KIAA0232: variants seen among roughly 807,000 people sequenced by gnomAD.
The protein encoded by KIAA0232 is KIAA0232.
Under a neutral mutation model 122.0 loss-of-function variants are expected in KIAA0232, and 27 were observed. The observed-to-expected ratio is 0.22, with a 90% CI of 0.16 to 0.31. The LOEUF (loss-of-function observed/expected upper bound fraction) is 0.31, where lower values mean the gene tolerates loss of function less well. Among genes scored for constraint, KIAA0232 ranks in the 10% least tolerant of loss-of-function variants. The probability of loss-of-function intolerance (pLI) is 1.00; values close to 1 mark genes in which losing one functional copy is unlikely to be tolerated. For synonymous variants in KIAA0232, 613 were observed against 587.6 expected, an observed-to-expected ratio of 1.04 and a Z score of -0.63; for missense variants, 1,551 against 1,634.2, an observed-to-expected ratio of 0.95 and a Z score of 0.88.
chr4:6,865,248 G>A (rs1008775823), intron 7 of KIAA0232, among the ~76,000 whole-genome samples: 1 of 152,092 alleles, frequency 6.6e-6, no homozygotes, highest in African/African-American at 2.4e-5. Flanking sequence ...CACTGTTTTC[G>A]ATATGTGAGT....
At chr4:6,802,540 C>T (rs575369744) in intron 1 of KIAA0232, among the ~76,000 whole-genome samples, 25 of 146,978 alleles carry the variant, frequency 1.7e-4, no homozygotes, top group African/African-American at 4.9e-4. Context: ...TCTTCTCAAC[C>T]CCCCCCAACC....
At position 6,797,631 on chromosome 4, in the gene KIAA0232, T is replaced by C. The variant is rs148794192; in HGVS notation, c.-353-6892T>C. ...AAAAAAAAAACCTAGCTGGGTGTAG[T>C]GGTGTATGCCCATAGTCCCAGTTAC... On this transcript the variant is annotated intron_variant, in intron 1 of 9. Transcript: ENST00000307659. Among the ~76,000 whole-genome samples, 1,017 of 150,472 alleles carry C rather than the reference T, an allele frequency of 6.8e-3. 9 individuals carry two copies. The highest frequency in any genetic ancestry group is 0.013 in the South Asian group (62 of 4,748).
intron 1 of KIAA0232, among the ~76,000 whole-genome samples, chr4:6,786,393 C>A (rs572858862): frequency 6.6e-6 from 1 of 152,328 alleles, no homozygotes; most frequent in Admixed American, 6.5e-5. Context: ...GCCTCAACCT[C>A]CCAGGCTCAA....
intron 2 of KIAA0232, among the ~76,000 whole-genome samples, chr4:6,813,463 C>A (rs997131512): frequency 6.6e-6 from 1 of 151,772 alleles, no homozygotes; most frequent in African/African-American, 2.4e-5. Flanking sequence ...CCCAGGTTCA[C>A]GCCATTCTAC....
Position 6,855,972 on chromosome 4 carries a change from A to C in KIAA0232, c.370-1192A>C. On this transcript the variant is annotated intron_variant, in intron 4 of 9. Transcript: ENST00000307659. The surrounding 1 kb of genome is among the most constrained non-coding windows in gnomAD (Gnocchi z 4.3). ...TGACTAATATCTGCCATCGTTTTTAAGAGTGTTTTTAAAGGAAAGGGCAAC... is the reference window on the plus strand; with the variant it reads ...TGACTAATATCTGCCATCGTTTTTACGAGTGTTTTTAAAGGAAAGGGCAAC... 1 of 549,596 alleles carries C rather than the reference A, an allele frequency of 1.8e-6. No individual in the cohort carries two copies. Among genetic ancestry groups the C allele is most frequent in the Non-Finnish European group, 2.3e-6 (1 of 431,726 alleles). 34.0% of individuals were successfully genotyped at this position (549,596 alleles called of 1,614,324 possible).
chr4:6,857,409 C>A (rs1356900478), intron 5 of KIAA0232, among the ~76,000 whole-genome samples, 179 bp downstream of exon 5: 1 of 152,206 alleles, frequency 6.6e-6, no homozygotes, highest in African/African-American at 2.4e-5. Flanking sequence ...GCTTCTGTGT[C>A]AGACCCAGCA....
rs1002815511 is a variant in KIAA0232 at position 6,855,893 on chromosome 4, A to G, written c.370-1271A>G. 8.4e-5 allele frequency: 83 copies of G among 983,896 alleles called. No homozygotes were observed. Among genetic ancestry groups the G allele is most frequent in the Middle Eastern group, 1.0e-3 (2 of 1,910 alleles). 60.9% of individuals were successfully genotyped at this position (983,896 alleles called of 1,614,324 possible). A position where few individuals can be genotyped will look rare whatever the true frequency, so the allele number is the denominator to read the frequency against. On this transcript the variant is annotated intron_variant, in intron 4 of 9. Transcript: ENST00000307659. This position sits in a 1 kb window ranked among gnomAD's most constrained non-coding sequence, Gnocchi z 4.3. ...TTGCCGTCCTTGTCACACCTTGAGC[A>G]TTATGGTAAGCAGGTGCTTTCTGGT...
chr4:6,801,662 T>A (rs1405816060), intron 1 of KIAA0232, among the ~76,000 whole-genome samples: 2 of 150,432 alleles, frequency 1.3e-5, no homozygotes, highest in Non-Finnish European at 3.0e-5. Context: ...CCAGACTGGG[T>A]GACAGGACGA....
chr4:6,861,609 A>G lies in KIAA0232; in HGVS notation c.1227A>G (p.Glu409=), dbSNP rs779283097. The part of the protein sequence containing the change: ...EPLWYTEPIA[E]YFVPLSRKSK... The stretch of plus-strand genomic sequence containing the variant: ...TGTGGTACACCGAGCCAATTGCTGA[A>G]TATTTTGTTCCTCTGAGCAGAAAAA... The change falls in exon 7 of 10, where the codon GAA becomes GAG. Residue 409 remains glutamate, a synonymous_variant. Coordinates refer to ENST00000307659, the MANE Select transcript of KIAA0232 (RefSeq NM_014743.3). 1.2e-6 allele frequency: 2 copies of G among 1,613,950 alleles called. No individual in the cohort carries two copies. Among genetic ancestry groups the G allele is most frequent in the African/African-American group, 2.7e-5 (2 of 74,934 alleles).
intron 1 of KIAA0232, among the ~76,000 whole-genome samples, chr4:6,799,702 T>C (rs1717290280): frequency 6.6e-6 from 1 of 152,098 alleles, no homozygotes; most frequent in South Asian, 2.1e-4. Flanking sequence ...GTTTTTTGTT[T>C]GTTTGTTTTT....
chr4:6,832,315 C>T (rs143009190), intron 3 of KIAA0232, among the ~76,000 whole-genome samples: 156 of 150,046 alleles, frequency 1.0e-3, no homozygotes, highest in African/African-American at 3.4e-3. Context: ...AATTATGTCT[C>T]CCCTACTGGC....
chr4:6,875,481 G>T (rs1425883118), intron 8 of KIAA0232, among the ~76,000 whole-genome samples: 1 of 152,240 alleles, frequency 6.6e-6, no homozygotes, highest in Non-Finnish European at 1.5e-5. Flanking sequence ...AACAGCTGTG[G>T]AGAGTCTTCC....
intron 1 of KIAA0232, among the ~76,000 whole-genome samples, chr4:6,798,451 C>T (rs1002013046): frequency 2.0e-5 from 3 of 152,194 alleles, no homozygotes; most frequent in South Asian, 4.1e-4. Flanking sequence ...TTGGCTACTA[C>T]TACTTTGAGA....
chr4:6,802,556 G>A (rs572015257), intron 1 of KIAA0232, among the ~76,000 whole-genome samples: 120 of 120,736 alleles, frequency 9.9e-4, no homozygotes, highest in Non-Finnish European at 1.4e-3. Flanking sequence ...CAACCCACCA[G>A]CCCCCTTACT....
At chr4:6,848,936 A>G (rs1172768676) in intron 4 of KIAA0232, among the ~76,000 whole-genome samples, 1 of 152,190 alleles carries the variant, frequency 6.6e-6, no homozygotes, top group Non-Finnish European at 1.5e-5. Context: ...CCTAAGTCCT[A>G]TGTCTTTGGG....
At chr4:6,878,681 A>C (rs1015098235) in intron 9 of KIAA0232, among the ~76,000 whole-genome samples, 1 of 152,132 alleles carries the variant, frequency 6.6e-6, no homozygotes, top group African/African-American at 2.4e-5. Flanking sequence ...GGAGTGACCT[A>C]AACCTTCATT....
chr4:6,837,001 C>G (rs1308923906), intron 3 of KIAA0232, among the ~76,000 whole-genome samples: 3 of 152,240 alleles, frequency 2.0e-5, no homozygotes, highest in Non-Finnish European at 2.9e-5. Context: ...ACACTTCCCC[C>G]CTTTCTATTC....
At chr4:6,844,692 T>C (rs1158692938) in intron 4 of KIAA0232, among the ~76,000 whole-genome samples, 4 of 152,162 alleles carry the variant, frequency 2.6e-5, no homozygotes, top group Non-Finnish European at 5.9e-5. Flanking sequence ...TGCTTCCACC[T>C]CCTGAAGTGC....
At chr4:6,843,927 CTTTTTT>C (rs373793407) in intron 4 of KIAA0232, among the ~76,000 whole-genome samples, 3 of 46,360 alleles carry the variant, frequency 6.5e-5, no homozygotes, top group African/African-American at 1.4e-4. Context: ...AGTTACCCAT[CTTTTTT>C]TTTTTTTTTT....
Sources: allele counts gnomAD v4.1 joint callset (sites outside exome capture counted in the v4.1 genomes callset), GRCh38; gene constraint gnomAD v4.1.1; non-coding constraint Gnocchi (gnomAD v3.1); transcripts MANE v1.5; gene names NCBI Gene and HGNC (gene_info 2026-07-23, HGNC 2026-07-21).